The following THADA variants were observed in gnomAD, a reference collection of about 807,000 sequenced individuals.
THADA encodes THADA armadillo repeat containing.
Under a neutral mutation model 219.8 loss-of-function variants are expected in THADA, and 213 were observed. That is an observed-to-expected ratio of 0.97 (90% CI 0.87 to 1.09). The LOEUF (loss-of-function observed/expected upper bound fraction) is 1.09. Among genes scored for constraint, THADA ranks in the 50% least tolerant of loss-of-function variants. The probability of loss-of-function intolerance (pLI) is 0.00; values close to 1 mark genes in which losing one functional copy is unlikely to be tolerated. For synonymous variants in THADA, 1,018 were observed against 828.9 expected (o/e 1.23, Z -3.92); for missense variants, 2,956 against 2,311.3 (o/e 1.28, Z -5.72).
At chr2:43,556,661 G>C (rs564079990) in intron 16 of THADA, 106 bp from the exon 17 acceptor site, 4 of 1,034,670 alleles carry the variant, frequency 3.9e-6, no homozygotes, top group Admixed American at 2.7e-5. Context: ...CAGTGGGCTC[G>C]AGCCTAGAGT....
At chr2:43,544,053 G>A (rs570638188) in intron 20 of THADA, among the ~76,000 whole-genome samples, 1 of 152,126 alleles carries the variant, frequency 6.6e-6, no homozygotes. Context: ...TTTGTATAAG[G>A]TGTAAGGAAG....
intron 26 of THADA, among the ~76,000 whole-genome samples, chr2:43,436,365 C>T (rs976185506): frequency 6.6e-6 from 1 of 152,170 alleles, no homozygotes; most frequent in African/African-American, 2.4e-5. Context: ...CAAGAGCCTT[C>T]CTCACCAAGG....
At chr2:43,237,195 C>A (rs1424991812) in intron 36 of THADA, among the ~76,000 whole-genome samples, 1 of 151,786 alleles carries the variant, frequency 6.6e-6, no homozygotes, top group Non-Finnish European at 1.5e-5. Flanking sequence ...TCCAGAAACA[C>A]ACCCTCACAT....
chr2:43,470,207 C>CAA (rs67659070), intron 26 of THADA, among the ~76,000 whole-genome samples: 14 of 80,664 alleles, frequency 1.7e-4, no homozygotes, highest in East Asian at 3.5e-4. Flanking sequence ...GACCTTGTCT[C>CAA]AAAAAAAAAA....
chr2:43,251,401 A>C (rs1669793876), intron 36 of THADA, among the ~76,000 whole-genome samples: 1 of 152,220 alleles, frequency 6.6e-6, no homozygotes, highest in Non-Finnish European at 1.5e-5. Context: ...TACATTACAG[A>C]GCAGCACTCT....
intron 31 of THADA, among the ~76,000 whole-genome samples, chr2:43,319,525 C>T (rs900813754): frequency 6.6e-6 from 1 of 152,040 alleles, no homozygotes; most frequent in African/African-American, 2.4e-5. Context: ...CCCCGACCTC[C>T]CTCCTGCAAA....
intron 29 of THADA, among the ~76,000 whole-genome samples, chr2:43,373,027 C>T (rs1210900012): frequency 6.6e-6 from 1 of 151,758 alleles, no homozygotes; most frequent in East Asian, 1.9e-4. Flanking sequence ...ATTGGAATAC[C>T]CCCCCAAAAA....
At chr2:43,458,912 A>C (rs995353453) in intron 26 of THADA, among the ~76,000 whole-genome samples, 6 of 152,228 alleles carry the variant, frequency 3.9e-5, no homozygotes, top group Admixed American at 6.5e-5. Flanking sequence ...ACAAAATTAA[A>C]GGGTTGATAA....
At chr2:43,549,486 G>C (rs1696497490) in intron 19 of THADA, 118 bp from the exon 20 acceptor site, 5 of 1,017,036 alleles carry the variant, frequency 4.9e-6, no homozygotes, top group Non-Finnish European at 7.0e-6. Flanking sequence ...AGCTTTATTA[G>C]AAGGGACTCA....
In THADA at chr2:43,242,069, C is replaced by T. The variant is rs1186201537; in HGVS notation, c.5297-9187G>A. 3.3e-5 allele frequency among the ~76,000 whole-genome samples: 5 copies of T among 152,346 alleles called. No homozygotes were observed. In the South Asian group the frequency reaches 6.2e-4, roughly 19 times the overall value. ...TGCCGGCCTGTCCCTCAGGACGCAA[C>T]GCAGATCCTGTGGTGTTTCTCAGCC... On this transcript the variant is annotated intron_variant, in intron 36 of 37. Transcript: ENST00000405975.
At chr2:43,369,965 T>G (rs1304837758) in intron 29 of THADA, among the ~76,000 whole-genome samples, 1 of 152,252 alleles carries the variant, frequency 6.6e-6, no homozygotes, top group Non-Finnish European at 1.5e-5. Context: ...CCAACCATGC[T>G]GTAAGATCCC....
intron 3 of THADA, among the ~76,000 whole-genome samples, chr2:43,591,569 A>C (rs1701573938): frequency 1.3e-5 from 2 of 152,174 alleles, no homozygotes; most frequent in South Asian, 4.1e-4. Flanking sequence ...CAAAAAAAAA[A>C]ACTATGTGTG....
chr2:43,502,918 A>G (rs917728295), intron 24 of THADA, among the ~76,000 whole-genome samples: 1 of 152,198 alleles, frequency 6.6e-6, no homozygotes, highest in Admixed American at 6.5e-5. Context: ...AAGTAAGCAA[A>G]GTCTTTCAAC....
At chr2:43,376,739 G>A (rs1671426015) in intron 29 of THADA, among the ~76,000 whole-genome samples, 1 of 152,136 alleles carries the variant, frequency 6.6e-6, no homozygotes, top group Admixed American at 6.5e-5. Flanking sequence ...TCACTACTCT[G>A]AGGCAAACAA....
At chr2:43,506,432 T>A (rs1272641947) in intron 23 of THADA, among the ~76,000 whole-genome samples, 1 of 152,182 alleles carries the variant, frequency 6.6e-6, no homozygotes, top group Non-Finnish European at 1.5e-5. Flanking sequence ...ACAACATGGA[T>A]GAACTCTGAA....
chr2:43,445,032 T>G (rs770692599), intron 26 of THADA, among the ~76,000 whole-genome samples: 1 of 152,170 alleles, frequency 6.6e-6, no homozygotes, highest in African/African-American at 2.4e-5. Context: ...CAGTTAGTAT[T>G]TCAATCGGGA....
chr2:43,279,875 A>G lies in THADA; in HGVS notation c.5186T>C (p.Leu1729Pro), dbSNP rs771171430. The change falls in exon 36 of 38, where the codon CTC becomes CCC. Residue 1729 changes from leucine (L) to proline (P), a missense_variant. By Grantham distance (98) the Leu-to-Pro change is moderately conservative (BLOSUM62 -3). Coordinates refer to ENST00000405975, the MANE Select transcript of THADA (RefSeq NM_022065.5). ...CAGAAGGGTAAGGACACACTTCCAG[A>G]GAGCAAGTGTATCCTGCAACTCTAA... is the stretch of plus-strand genomic sequence containing the variant. ...PILELQDTLA[L>P]WKCVLTLLQS... The G allele has an allele frequency of 2.4e-5, 38 of 1,551,948 alleles. No individual in the cohort carries two copies. Among genetic ancestry groups the G allele is most frequent in the Non-Finnish European group, 3.1e-5 (36 of 1,153,740 alleles).
At chr2:43,293,294 T>G in intron 31 of THADA, 81 bp from the exon 32 acceptor site, 2,249 of 1,295,372 alleles carry the variant, frequency 1.7e-3, no homozygotes, top group Non-Finnish European at 2.2e-3. Context: ...GAAGACTGAA[T>G]CCACTGCGTG....
At chr2:43,479,072 A>G (rs1343570343) in intron 26 of THADA, among the ~76,000 whole-genome samples, 1 of 152,186 alleles carries the variant, frequency 6.6e-6, no homozygotes, top group Non-Finnish European at 1.5e-5. Context: ...TGCATGAATG[A>G]CACTCCAGAC....
Sources: allele counts gnomAD v4.1 joint callset (sites outside exome capture counted in the v4.1 genomes callset), GRCh38; gene constraint gnomAD v4.1.1; transcripts MANE v1.5; gene names NCBI Gene and HGNC (gene_info 2026-07-23, HGNC 2026-07-21).